Variants in ANGPTL2 observed in about 807,000 individuals in gnomAD.
ANGPTL2 encodes angiopoietin-related protein 2.
In ANGPTL2, 25 loss-of-function variants were observed where a neutral mutation model predicts 52.8. The ratio of observed to expected loss-of-function variants is 0.47; its 90% CI spans 0.35 to 0.66. The LOEUF (loss-of-function observed/expected upper bound fraction) is 0.66, where lower values mean the gene tolerates loss of function less well. Ranked by LOEUF, ANGPTL2 falls within the 30% of genes least tolerant of loss-of-function variation. The pLI, the probability that ANGPTL2 is intolerant of heterozygous loss-of-function variation, is 0.01. For synonymous variants in ANGPTL2, 276 were observed against 277.4 expected (o/e 1.00, Z 0.05); for missense variants, 546 against 656.9 (o/e 0.83, Z 1.84).
intron 2 of ANGPTL2, among the ~76,000 whole-genome samples, chr9:127,094,217 T>A (rs960101843): frequency 2.0e-5 from 3 of 152,170 alleles, no homozygotes; most frequent in African/African-American, 7.2e-5. Flanking sequence ...TTTCTTCTGA[T>A]TGTAGAAGGA....
At chr9:127,115,795 G>A (rs972135729) in intron 1 of ANGPTL2, among the ~76,000 whole-genome samples, 8 of 152,214 alleles carry the variant, frequency 5.3e-5, no homozygotes, top group Admixed American at 4.6e-4. Flanking sequence ...TCACGCAAGT[G>A]GTAAGACCCC....
chr9:127,100,671 G>A (rs116124818), intron 2 of ANGPTL2, among the ~76,000 whole-genome samples: 1 of 152,236 alleles, frequency 6.6e-6, no homozygotes, highest in African/African-American at 2.4e-5. Flanking sequence ...TAATGAGAGT[G>A]GCCATGGCTC....
intron 2 of ANGPTL2, among the ~76,000 whole-genome samples, chr9:127,104,176 T>C (rs2054000554): frequency 6.6e-6 from 1 of 152,236 alleles, no homozygotes; most frequent in African/African-American, 2.4e-5. Context: ...ATTCTCTTTC[T>C]CAGGAGAGAA....
In ANGPTL2 at chr9:127,091,598, G is replaced by A; in HGVS notation, c.1282+72C>T. 6.4e-7 allele frequency: 1 copy of A among 1,550,808 alleles called. No individual in the cohort carries two copies. Among genetic ancestry groups the A allele is most frequent in the Non-Finnish European group, 8.7e-7 (1 of 1,147,768 alleles). On this transcript the variant is annotated intron_variant, in intron 4 of 4. Transcript: ENST00000373425. This position sits in a 1 kb window ranked among gnomAD's most constrained non-coding sequence, Gnocchi z 4.3. ...GGGATCTTCCCGTTTCCAAGCCCTG[G>A]AGTCAGGGGCTCTGGCTCTGGTTGA...
chr9:127,093,728 C>A lies in ANGPTL2; in HGVS notation c.1011+5G>T. The stretch of plus-strand genomic sequence containing the variant: ...GCAGCACAGACATCCCCTGCCGAGT[C>A]TCACCTTGTACGTCTCCCAGTTCCT... On this transcript the variant is annotated splice_donor_5th_base_variant and intron_variant, in intron 3 of 4. Transcript: ENST00000373425. 6.2e-7 allele frequency: 1 copy of A among 1,613,784 alleles called. No individual in the cohort carries two copies. Among genetic ancestry groups the A allele is most frequent in the Non-Finnish European group, 8.5e-7 (1 of 1,179,804 alleles).
intron 4 of ANGPTL2, among the ~76,000 whole-genome samples, chr9:127,089,752 A>T (rs1420773470): frequency 1.3e-5 from 2 of 152,258 alleles, no homozygotes; most frequent in East Asian, 3.8e-4. Context: ...ATCATGCTGA[A>T]TTTTGCTGCC....
At chr9:127,105,614 C>T (rs189905116) in intron 2 of ANGPTL2, among the ~76,000 whole-genome samples, 30 of 152,332 alleles carry the variant, frequency 2.0e-4, no homozygotes, top group Admixed American at 1.1e-3. Context: ...GCACTTAGCA[C>T]ACCAGGGTAT....
chr9:127,093,685 G>A, intron 3 of ANGPTL2, 48 bp downstream of exon 3: 1 of 1,601,454 alleles, frequency 6.2e-7, no homozygotes, highest in East Asian at 2.2e-5. Context: ...CTCTTGGGGT[G>A]GGCCAGTCAC....
chr9:127,089,451 C>T (rs968037077), intron 4 of ANGPTL2, among the ~76,000 whole-genome samples: 3 of 152,182 alleles, frequency 2.0e-5, no homozygotes, highest in East Asian at 1.9e-4. Context: ...AATGAGGATG[C>T]GTACTTGACA....
At chr9:127,109,645 A>G (rs748522985) in intron 1 of ANGPTL2, among the ~76,000 whole-genome samples, 1 of 152,212 alleles carries the variant, frequency 6.6e-6, no homozygotes, top group Non-Finnish European at 1.5e-5. Context: ...TGGACCATTC[A>G]TCCTTTCACC....
At chr9:127,092,989 C>G (rs1260013633) in intron 3 of ANGPTL2, among the ~76,000 whole-genome samples, 1 of 152,078 alleles carries the variant, frequency 6.6e-6, no homozygotes, top group African/African-American at 2.4e-5. Flanking sequence ...CAACCCTGAG[C>G]AAATTACTCC....
chr9:127,108,519 G>T lies in ANGPTL2; in HGVS notation c.213C>A (p.Val71=). 6.2e-7 allele frequency: 1 copy of T among 1,613,052 alleles called. No homozygotes were observed. The highest frequency in any genetic ancestry group is 8.5e-7 in the Non-Finnish European group (1 of 1,179,738). Reference sequence around the variant, plus strand: ...GAAGCACCTCAGGCTCCTTGGAGTTGACGCAGATGGCACCCGTGACCCGCT... The same window carrying T: ...GAAGCACCTCAGGCTCCTTGGAGTTTACGCAGATGGCACCCGTGACCCGCT... The part of the protein sequence containing the change: ...PQQRVTGAIC[V]NSKEPEVLLE... Residue 71 remains valine, a synonymous_variant, in exon 2 of 5, where the codon GTC becomes GTA. Transcript: ENST00000373425.
chr9:127,098,247 A>G (rs543934399), intron 2 of ANGPTL2, among the ~76,000 whole-genome samples: 1 of 152,230 alleles, frequency 6.6e-6, no homozygotes, highest in East Asian at 1.9e-4. Flanking sequence ...TGAGTTTTCA[A>G]CGTGCAGTGG....
intron 1 of ANGPTL2, among the ~76,000 whole-genome samples, chr9:127,120,362 C>T (rs1303552361): frequency 1.3e-5 from 2 of 152,198 alleles, no homozygotes; most frequent in African/African-American, 4.8e-5. Context: ...TTCTAGGATG[C>T]AGGCATGCTG....
At chr9:127,121,288 A>G (rs1364446850) in intron 1 of ANGPTL2, among the ~76,000 whole-genome samples, 1 of 152,226 alleles carries the variant, frequency 6.6e-6, no homozygotes, top group East Asian at 1.9e-4. Context: ...TAGAAAGGCT[A>G]AGTGTTCTGC....
At chr9:127,111,338 C>T (rs75002079) in intron 1 of ANGPTL2, among the ~76,000 whole-genome samples, 344 of 152,346 alleles carry the variant, frequency 2.3e-3, no homozygotes, top group African/African-American at 8.0e-3. Context: ...ATAAGATACA[C>T]GCTGTCTCCT....
At chr9:127,097,548 C>A (rs1476744639) in intron 2 of ANGPTL2, among the ~76,000 whole-genome samples, 1 of 152,196 alleles carries the variant, frequency 6.6e-6, no homozygotes, top group African/African-American at 2.4e-5. Flanking sequence ...TGGCAAAGGT[C>A]AGAAACATCA....
At chr9:127,119,138 C>G (rs1465558281) in intron 1 of ANGPTL2, among the ~76,000 whole-genome samples, 1 of 152,188 alleles carries the variant, frequency 6.6e-6, no homozygotes, top group Non-Finnish European at 1.5e-5. Flanking sequence ...TGGAACAAGT[C>G]AGCCAACCTG....
At position 127,112,640 on chromosome 9, in the gene ANGPTL2, G is replaced by A. The variant is rs547979408; in HGVS notation, c.-49-3860C>T. On this transcript the variant is annotated intron_variant, in intron 1 of 4. Coordinates refer to ENST00000373425, the MANE Select transcript of ANGPTL2 (RefSeq NM_012098.3). ...TTGCACTTGAGACCTCAAAGGCTGA[G>A]TCTTTTCTGTGAAATGGGATGATCC... is the stretch of plus-strand genomic sequence containing the variant. Among the ~76,000 whole-genome samples the A allele has an allele frequency of 2.6e-5, 4 of 152,392 alleles. 1 individual carries two copies. The highest frequency in any genetic ancestry group is 9.6e-5 in the African/African-American group (4 of 41,596).
Sources: allele counts gnomAD v4.1 joint callset (sites outside exome capture counted in the v4.1 genomes callset), GRCh38; gene constraint gnomAD v4.1.1; non-coding constraint Gnocchi (gnomAD v3.1); transcripts MANE v1.5; gene names NCBI Gene and HGNC (gene_info 2026-07-23, HGNC 2026-07-21).